The following AZIN2 variants were observed in gnomAD, a reference collection of about 807,000 sequenced individuals.
The protein encoded by AZIN2 is antizyme inhibitor 2, also known as ODC antizyme inhibitor-2.
A neutral mutation model predicts 47.8 loss-of-function variants in AZIN2; 28 were observed. The observed-to-expected ratio is 0.59, with a 90% confidence interval of 0.43 to 0.80. AZIN2 has a LOEUF of 0.80. AZIN2 is among the 30% of genes least tolerant of loss of function. AZIN2 has a pLI of 0.00. For missense variants in AZIN2, 535 were observed against 582.5 expected, an observed-to-expected ratio of 0.92 and a Z score of 0.84; for synonymous variants, 221 against 239.4, an observed-to-expected ratio of 0.92 and a Z score of 0.71.
the AZIN2 span, among the ~76,000 whole-genome samples, chr1:33,129,025 T>A: frequency 2.0e-5 from 3 of 151,866 alleles, no homozygotes; most frequent in Non-Finnish European, 4.4e-5. This position sits in a 1 kb window ranked among gnomAD's most constrained non-coding sequence, Gnocchi z 4.1. Context: ...TGAGTAGGAG[T>A]TGGCCAGGTA....
chr1:33,147,339 A>G, the AZIN2 span: 28 of 1,614,224 alleles, frequency 1.7e-5, no homozygotes, highest in East Asian at 6.2e-4. The surrounding 1 kb of genome is among the most constrained non-coding windows in gnomAD (Gnocchi z 8.1). Context: ...AGCCTTGGTC[A>G]TAGTCCAGGA....
chr1:33,156,748 A>G, the AZIN2 span, among the ~76,000 whole-genome samples: 2 of 152,200 alleles, frequency 1.3e-5, no homozygotes, highest in Non-Finnish European at 2.9e-5. Context: ...CCTTTTCAGC[A>G]TCAGTGCTGA....
chr1:33,117,899 C>A lies in AZIN2; in HGVS notation c.1030-3C>A. On this transcript the variant is annotated splice_region_variant and splice_polypyrimidine_tract_variant and intron_variant, in intron 10 of 11. Transcript: ENST00000294517. ...CTGGCATGGCCATCCCTTCTTCCTACAGAAACCATCCACGGAGCAGCCCCT... is the reference window on the plus strand; with the variant it reads ...CTGGCATGGCCATCCCTTCTTCCTAAAGAAACCATCCACGGAGCAGCCCCT... The A allele has an allele frequency of 6.2e-7, 1 of 1,614,208 alleles. No homozygotes were observed. The highest frequency in any genetic ancestry group is 8.5e-7 in the Non-Finnish European group (1 of 1,180,014).
At chr1:33,144,189 T>A in the AZIN2 span, among the ~76,000 whole-genome samples, 2 of 149,676 alleles carry the variant, frequency 1.3e-5, no homozygotes, top group Non-Finnish European at 3.0e-5. Context: ...CAGGCTGGAG[T>A]GCAATGGCGC....
chr1:33,085,957 C>T (rs1641844231), intron 5 of AZIN2, among the ~76,000 whole-genome samples: 1 of 152,194 alleles, frequency 6.6e-6, no homozygotes, highest in South Asian at 2.1e-4. Context: ...AGGATCCTTT[C>T]AGTCCCCGAG....
intron 10 of AZIN2, among the ~76,000 whole-genome samples, chr1:33,116,941 A>G (rs1418522680): frequency 6.6e-6 from 1 of 152,218 alleles, no homozygotes; most frequent in Non-Finnish European, 1.5e-5. Flanking sequence ...CTCAGAGGGC[A>G]CAGTCATCAT....
chr1:33,151,228 G>A, the AZIN2 span, among the ~76,000 whole-genome samples: 1 of 152,118 alleles, frequency 6.6e-6, no homozygotes, highest in Non-Finnish European at 1.5e-5. Flanking sequence ...CTGGCGAGCG[G>A]ACCTGTGCTG....
Position 33,082,168 on chromosome 1 carries a change from C to A in AZIN2, c.-72-10C>A. 1.7e-6 allele frequency: 2 copies of A among 1,193,080 alleles called. No individual in the cohort carries two copies. Among genetic ancestry groups the A allele is most frequent in the South Asian group, 1.3e-5 (1 of 77,930 alleles). 73.9% of individuals were successfully genotyped at this position (1,193,080 alleles called of 1,614,324 possible). A position where few individuals can be genotyped will look rare whatever the true frequency, so the allele number is the denominator to read the frequency against. On this transcript the variant is annotated splice_polypyrimidine_tract_variant and intron_variant, in intron 3 of 11. Transcript: ENST00000294517. ...CCCAGCGGTTCCCTTCATCTCCCCT[C>A]GCCCCGCAGTGTGTTGCATACTTTC...
At chr1:33,165,580 A>G in the AZIN2 span, 1 of 1,597,686 alleles carries the variant, frequency 6.3e-7, no homozygotes, top group Non-Finnish European at 8.5e-7. This position sits in a 1 kb window ranked among gnomAD's most constrained non-coding sequence, Gnocchi z 4.0. Flanking sequence ...AAACACACAC[A>G]GGGCCGGGAT....
At chr1:33,165,417 G>A in the AZIN2 span, 2 of 1,448,014 alleles carry the variant, frequency 1.4e-6, no homozygotes, top group Non-Finnish European at 1.9e-6. This position sits in a 1 kb window ranked among gnomAD's most constrained non-coding sequence, Gnocchi z 4.0. Context: ...CCCGCCCCTC[G>A]AAGCCCTGCC....
chr1:33,091,685 T>C (rs1642568885), intron 5 of AZIN2, among the ~76,000 whole-genome samples: 1 of 152,246 alleles, frequency 6.6e-6, no homozygotes, highest in Non-Finnish European at 1.5e-5. Context: ...TTAGAAAATG[T>C]ACCCTTTCCT....
chr1:33,147,633 T>C, the AZIN2 span: 1 of 1,613,552 alleles, frequency 6.2e-7, no homozygotes, highest in Non-Finnish European at 8.5e-7. The surrounding 1 kb of genome is among the most constrained non-coding windows in gnomAD (Gnocchi z 8.1). Context: ...GCAGTGGCTG[T>C]GGGTGCAAGT....
downstream of AZIN2, among the ~76,000 whole-genome samples, chr1:33,125,003 C>A (rs111304811): frequency 4.7e-4 from 71 of 152,300 alleles, no homozygotes; most frequent in African/African-American, 1.6e-3. Flanking sequence ...ATCTTTATAG[C>A]AGCATGATTT....
rs1225339479 is a variant in AZIN2 at position 33,113,851 on chromosome 1, G to A, written c.1030-4051G>A. 6.6e-6 allele frequency among the ~76,000 whole-genome samples: 1 copy of A among 152,102 alleles called. No homozygotes were observed. The highest frequency in any genetic ancestry group is 1.5e-5 in the Non-Finnish European group (1 of 68,018). On this transcript the variant is annotated intron_variant, in intron 10 of 11. Coordinates refer to ENST00000294517, the MANE Select transcript of AZIN2 (RefSeq NM_052998.4). The surrounding 1 kb of genome is among the most constrained non-coding windows in gnomAD (Gnocchi z 4.1). ...AGTTTTAATAAAGAATAGATGCTAC[G>A]GGCTACTTCATGGTATGTTGACATG... is the stretch of plus-strand genomic sequence containing the variant.
the AZIN2 span, among the ~76,000 whole-genome samples, chr1:33,155,101 T>C: frequency 2.9e-5 from 4 of 137,664 alleles, no homozygotes; most frequent in Admixed American, 7.1e-5. Context: ...TCAAAAGGTC[T>C]CGCTCTGTCG....
chr1:33,101,673 A>G (rs1022472953), intron 10 of AZIN2, among the ~76,000 whole-genome samples: 1 of 152,146 alleles, frequency 6.6e-6, no homozygotes, highest in Non-Finnish European at 1.5e-5. Flanking sequence ...ATCTTGACTC[A>G]TGCATTATCA....
At chr1:33,100,867 C>G (rs894069103) in intron 10 of AZIN2, among the ~76,000 whole-genome samples, 1 of 151,808 alleles carries the variant, frequency 6.6e-6, no homozygotes. Flanking sequence ...CTCTCTCTCT[C>G]TCTTTTTTTT....
the AZIN2 span, among the ~76,000 whole-genome samples, chr1:33,150,359 A>T: frequency 6.6e-6 from 1 of 152,224 alleles, no homozygotes; most frequent in African/African-American, 2.4e-5. Flanking sequence ...AATGATGGGG[A>T]CTGTCCCCAA....
At chr1:33,089,567 A>C (rs977135794) in intron 5 of AZIN2, among the ~76,000 whole-genome samples, 8 of 152,218 alleles carry the variant, frequency 5.3e-5, no homozygotes, top group African/African-American at 1.9e-4. Flanking sequence ...ACAGGTCCAC[A>C]TCCACTCAGA....
Sources: gnomAD v4.1 joint callset for allele counts (sites outside exome capture counted in the v4.1 genomes callset) on GRCh38, gnomAD v4.1.1 for gene constraint, Gnocchi (gnomAD v3.1) non-coding constraint, MANE v1.5 for transcripts, NCBI Gene and HGNC (gene_info 2026-07-23, HGNC 2026-07-21) for gene names.